Variants in DTWD1 observed in about 807,000 individuals in gnomAD.
DTWD1 encodes tRNA-uridine aminocarboxypropyltransferase 1.
In DTWD1, 27 loss-of-function variants were observed where a neutral mutation model predicts 30.2. The observed-to-expected ratio is 0.90, with a 90% CI of 0.66 to 1.23. The LOEUF is 1.23. DTWD1 is among the 50% of genes most tolerant of loss of function. The pLI is 0.00. For synonymous variants in DTWD1, 99 were observed against 113.1 expected, an observed-to-expected ratio of 0.88 and a Z score of 0.79; for missense variants, 342 against 348.8, an observed-to-expected ratio of 0.98 and a Z score of 0.15.
intron 2 of DTWD1, chr15:49,630,950 C>T (rs1314481974): frequency 2.2e-6 from 1 of 444,914 alleles, no homozygotes; most frequent in Admixed American, 2.4e-5. Context: ...ATTGCATGCT[C>T]CTTAGGAGAA....
Position 49,649,408 on chromosome 15 carries a change from G to A in DTWD1, c.*5830G>A, listed in dbSNP as rs531947940. 4 of 152,176 alleles carry A rather than the reference G, an allele frequency of 2.6e-5. No homozygotes were observed. The highest frequency in any genetic ancestry group is 1.9e-4 in the East Asian group (1 of 5,162). The allele number at this position is 152,176 out of a possible 1,614,324, so 9.4% of individuals were successfully genotyped here. On this transcript the variant is annotated 3_prime_UTR_variant, in exon 5 of 5. Transcript: ENST00000403028. ...TACTGAAGATGTTTTCCAGTAAAAC[G>A]GAGAAGGAAACCAAAAACCAAAAAA...
At position 49,655,441 on chromosome 15, in the gene DTWD1, C is replaced by G. The variant is rs10152754; in HGVS notation, c.*11863C>G. 0.63 allele frequency: 94,889 copies of G among 151,632 alleles called. 31,050 individuals are homozygous for G. Among genetic ancestry groups the G allele is most frequent in the Non-Finnish European group, 0.73 (49,320 of 67,874 alleles). 9.4% of individuals were successfully genotyped at this position (151,632 alleles called of 1,614,324 possible). A position where few individuals can be genotyped will look rare whatever the true frequency, so the allele number is the denominator to read the frequency against. The stretch of plus-strand genomic sequence containing the variant: ...CGTACCTCTATTTTTTTTTCATACT[C>G]CCGTGTTTTTTTTAGTCCATGCTGG... On this transcript the variant is annotated 3_prime_UTR_variant, in exon 5 of 5. Coordinates refer to ENST00000403028, the MANE Select transcript of DTWD1 (RefSeq NM_001144955.2).
intron 4 of DTWD1, among the ~76,000 whole-genome samples, chr15:49,640,104 T>G (rs1296470338): frequency 6.6e-6 from 1 of 152,142 alleles, no homozygotes; most frequent in Admixed American, 6.5e-5. Flanking sequence ...ATTCCCCTTC[T>G]TCCCCTGACA....
At position 49,647,037 on chromosome 15, in the gene DTWD1, T is replaced by G. The variant is rs551022138; in HGVS notation, c.*3459T>G. ...GAGAATTACTGGGGTAATAAAGGTC[T>G]GGAAGGCTGCAGCAGAAGAGATTTA... is the stretch of plus-strand genomic sequence containing the variant. On this transcript the variant is annotated 3_prime_UTR_variant, in exon 5 of 5. Coordinates refer to ENST00000403028, the MANE Select transcript of DTWD1 (RefSeq NM_001144955.2). The G allele has an allele frequency of 3.3e-5, 5 of 152,308 alleles. No homozygotes were observed. The South Asian group carries it at 6.2e-4, about 19-fold the overall frequency. The allele number at this position is 152,308 out of a possible 1,614,324, so 9.4% of individuals were successfully genotyped here.
In DTWD1 at chr15:49,631,654, A is replaced by G. The variant is rs529695680; in HGVS notation, c.265-505A>G. 9.0e-4 allele frequency among the ~76,000 whole-genome samples: 137 copies of G among 152,260 alleles called. 5 individuals carry two copies. The South Asian group carries it at 0.027, about 30-fold the overall frequency. On this transcript the variant is annotated intron_variant, in intron 2 of 4. Coordinates refer to ENST00000403028, the MANE Select transcript of DTWD1 (RefSeq NM_001144955.2). ...GTGGCAGGTGCCTGTAATGCCAGCT[A>G]CTTGGGAGGCTGGGGCAGAATTGCT... is the stretch of plus-strand genomic sequence containing the variant.
At position 49,648,645 on chromosome 15, in the gene DTWD1, C is replaced by T. The variant is rs2079135160; in HGVS notation, c.*5067C>T. 1 of 152,170 alleles carries T rather than the reference C, an allele frequency of 6.6e-6. No individual in the cohort carries two copies. Among genetic ancestry groups the T allele is most frequent in the Non-Finnish European group, 1.5e-5 (1 of 68,030 alleles). The allele number at this position is 152,170 out of a possible 1,614,324, so 9.4% of individuals were successfully genotyped here. The stretch of plus-strand genomic sequence containing the variant: ...ACATTTTTTGTATTCCCTTGAGGCA[C>T]TGACAACTATAGTCTTATTTTATAT... On this transcript the variant is annotated 3_prime_UTR_variant, in exon 5 of 5. Transcript: ENST00000403028.
rs2079150001 is a variant in DTWD1, at chr15:49,651,159, A to G, written c.*7581A>G. On this transcript the variant is annotated 3_prime_UTR_variant, in exon 5 of 5. Coordinates refer to ENST00000403028, the MANE Select transcript of DTWD1 (RefSeq NM_001144955.2). ...AGAAAGAGGGCTTCTTTGGTTGCAT[A>G]CAAATCTCATCTAGAATTTAATAGT... 1 of 152,214 alleles carries G rather than the reference A, an allele frequency of 6.6e-6. No homozygotes were observed. 9.4% of individuals were successfully genotyped at this position (152,214 alleles called of 1,614,324 possible).
rs780881795 is a variant in DTWD1 at position 49,651,619 on chromosome 15, T to A, written c.*8041T>A. On this transcript the variant is annotated 3_prime_UTR_variant, in exon 5 of 5. Coordinates refer to ENST00000403028, the MANE Select transcript of DTWD1 (RefSeq NM_001144955.2). The stretch of plus-strand genomic sequence containing the variant: ...ATAATACCATTCTTCAATATCAAGT[T>A]GGTTACATTGGGCCCCTTCCACACT... 3 of 152,090 alleles carry A rather than the reference T, an allele frequency of 2.0e-5. No homozygotes were observed. The highest frequency in any genetic ancestry group is 2.9e-5 in the Non-Finnish European group (2 of 68,024). 9.4% of individuals were successfully genotyped at this position (152,090 alleles called of 1,614,324 possible).
At position 49,625,171 on chromosome 15, in the gene DTWD1, T is replaced by A; in HGVS notation, c.4T>A (p.Ser2Thr). 1 of 1,612,218 alleles carries A rather than the reference T, an allele frequency of 6.2e-7. No homozygotes were observed. Among genetic ancestry groups the A allele is most frequent in the Non-Finnish European group, 8.5e-7 (1 of 1,178,910 alleles). Residue 2 changes from serine to threonine, a missense_variant, in exon 2 of 5, where the codon TCT becomes ACT. Ser to Thr is a moderately conservative substitution (Grantham distance 58, BLOSUM62 1). Coordinates refer to ENST00000403028, the MANE Select transcript of DTWD1 (RefSeq NM_001144955.2). The stretch of plus-strand genomic sequence containing the variant: ...TAAACTTTGGTTTGAATGAAGAATG[T>A]CTCTCAATCCACCTATATTTCTCAA... M[S>T]LNPPIFLKRS...
At chr15:49,638,185 T>C (rs1397805657) in intron 4 of DTWD1, among the ~76,000 whole-genome samples, 1 of 152,168 alleles carries the variant, frequency 6.6e-6, no homozygotes, top group African/African-American at 2.4e-5. Context: ...AAAAGATAAA[T>C]GAAAAAACAT....
At chr15:49,624,928 A>AAT (rs1425131108) in intron 1 of DTWD1, among the ~76,000 whole-genome samples, 185 bp from the exon 2 acceptor site, 1 of 152,232 alleles carries the variant, frequency 6.6e-6, no homozygotes, top group Non-Finnish European at 1.5e-5. Flanking sequence ...TTATATTTGA[A>AAT]ATAACTTTCA....
chr15:49,628,201 A>G (rs1434359367), intron 2 of DTWD1, among the ~76,000 whole-genome samples: 1 of 152,172 alleles, frequency 6.6e-6, no homozygotes, highest in Non-Finnish European at 1.5e-5. Context: ...TCCCACTGGA[A>G]GCTCTTCAGG....
rs1328083732 is a variant in DTWD1 at position 49,655,252 on chromosome 15, G to T, written c.*11674G>T. 6.6e-6 allele frequency: 1 copy of T among 152,054 alleles called. No homozygotes were observed. The highest frequency in any genetic ancestry group is 2.4e-5 in the African/African-American group (1 of 41,432). 9.4% of individuals were successfully genotyped at this position (152,054 alleles called of 1,614,324 possible). The stretch of plus-strand genomic sequence containing the variant: ...TCTGGAGCTGAAGAACCACCAGCCA[G>T]TACACAGAAATGAGAAATTTTAAAA... On this transcript the variant is annotated 3_prime_UTR_variant, in exon 5 of 5. Transcript: ENST00000403028.
Position 49,649,170 on chromosome 15 carries a change from C to A in DTWD1, c.*5592C>A, listed in dbSNP as rs577586924. On this transcript the variant is annotated 3_prime_UTR_variant, in exon 5 of 5. Coordinates refer to ENST00000403028, the MANE Select transcript of DTWD1 (RefSeq NM_001144955.2). ...CAAACAGAAGAAATAGGTCGTATAT[C>A]GACCAATAATCAGGATATTAAAGGA... 6.6e-6 allele frequency: 1 copy of A among 152,060 alleles called. No homozygotes were observed. Among genetic ancestry groups the A allele is most frequent in the South Asian group, 2.1e-4 (1 of 4,822 alleles). The allele number at this position is 152,060 out of a possible 1,614,324, so 9.4% of individuals were successfully genotyped here.
chr15:49,646,544 A>G lies in DTWD1; in HGVS notation c.*2966A>G, dbSNP rs939388725. The G allele has an allele frequency of 1.3e-5, 2 of 152,136 alleles. No individual in the cohort carries two copies. Among genetic ancestry groups the G allele is most frequent in the Non-Finnish European group, 2.9e-5 (2 of 68,018 alleles). 9.4% of individuals were successfully genotyped at this position (152,136 alleles called of 1,614,324 possible). On this transcript the variant is annotated 3_prime_UTR_variant, in exon 5 of 5. Transcript: ENST00000403028. ...AACCCCATGCCACAATGACTGTTAA[A>G]AGGGCTAGGCGATGTAGTCTGGTAG...
At chr15:49,631,875 T>G (rs1001289903) in intron 2 of DTWD1, 3 of 316,594 alleles carry the variant, frequency 9.5e-6, no homozygotes, top group Admixed American at 4.5e-5. Flanking sequence ...TTGGAGTTAA[T>G]ATAACTTAAG....
chr15:49,635,487 T>A (rs1427413034), intron 4 of DTWD1, among the ~76,000 whole-genome samples: 2 of 152,108 alleles, frequency 1.3e-5, no homozygotes, highest in Non-Finnish European at 2.9e-5. Flanking sequence ...TTTTTGTTGT[T>A]CTTGTTGTTG....
At chr15:49,639,663 T>C (rs2079042743) in intron 4 of DTWD1, among the ~76,000 whole-genome samples, 1 of 152,236 alleles carries the variant, frequency 6.6e-6, no homozygotes. Flanking sequence ...GAAACTGAAA[T>C]ATTTAATGTT....
In DTWD1 at chr15:49,643,784, T is replaced by G; in HGVS notation, c.*206T>G. On this transcript the variant is annotated 3_prime_UTR_variant, in exon 5 of 5. Coordinates refer to ENST00000403028, the MANE Select transcript of DTWD1 (RefSeq NM_001144955.2). ...AGATACTGTTGATTGAAAAACTTAC[T>G]TCAGAAGTTATTTGCTCAGTGAAAC... 1 of 460,328 alleles carries G rather than the reference T, an allele frequency of 2.2e-6. No homozygotes were observed. 28.5% of individuals were successfully genotyped at this position (460,328 alleles called of 1,614,324 possible).
Sources: gnomAD v4.1 joint callset for allele counts (sites outside exome capture counted in the v4.1 genomes callset) on GRCh38, gnomAD v4.1.1 for gene constraint, MANE v1.5 for transcripts, NCBI Gene and HGNC (gene_info 2026-07-23, HGNC 2026-07-21) for gene names.